DPP6: variants seen among roughly 807,000 people sequenced by gnomAD.
The protein encoded by DPP6 is dipeptidyl peptidase like 6.
Under a neutral mutation model 122.6 loss-of-function variants are expected in DPP6, and 69 were observed. The ratio of observed to expected loss-of-function variants is 0.56; its 90% CI spans 0.46 to 0.69. The LOEUF (loss-of-function observed/expected upper bound fraction) is 0.69, where lower values mean the gene tolerates loss of function less well. Among genes scored for constraint, DPP6 ranks in the 30% least tolerant of loss-of-function variants. The probability of loss-of-function intolerance (pLI) is 0.00; values close to 1 mark genes in which losing one functional copy is unlikely to be tolerated. For missense variants in DPP6, 928 were observed against 1,116.9 expected, an observed-to-expected ratio of 0.83 and a Z score of 2.41; for synonymous variants, 418 against 433.1, an observed-to-expected ratio of 0.97 and a Z score of 0.43.
chr7:154,004,380 C>G (rs924880356), intron 1 of DPP6, among the ~76,000 whole-genome samples: 4 of 152,066 alleles, frequency 2.6e-5, no homozygotes, highest in African/African-American at 9.7e-5. Context: ...CCAAGAACCT[C>G]GTAAACTCCA....
chr7:154,508,281 T>C (rs1825810669), intron 3 of DPP6, among the ~76,000 whole-genome samples: 1 of 152,158 alleles, frequency 6.6e-6, no homozygotes, highest in African/African-American at 2.4e-5. Context: ...TACACTAATT[T>C]GGATAGTTTT....
intron 1 of DPP6, among the ~76,000 whole-genome samples, chr7:153,996,345 C>G (rs1459355609): frequency 1.3e-5 from 2 of 152,102 alleles, no homozygotes; most frequent in Non-Finnish European, 2.9e-5. Flanking sequence ...ATTAGGCAAC[C>G]AGTTCCTCCT....
At chr7:153,994,168 A>T (rs1208997605) in intron 1 of DPP6, among the ~76,000 whole-genome samples, 3 of 151,356 alleles carry the variant, frequency 2.0e-5, no homozygotes, top group Non-Finnish European at 3.0e-5. Flanking sequence ...TGTGTATTTC[A>T]CCATACCATC....
intron 5 of DPP6, among the ~76,000 whole-genome samples, chr7:154,599,916 C>T (rs1025353573): frequency 6.6e-6 from 1 of 152,092 alleles, no homozygotes; most frequent in Non-Finnish European, 1.5e-5. Flanking sequence ...CCAAAATGTT[C>T]TCTTCAGTCC....
At chr7:154,053,866 C>G (rs867450191) in intron 1 of DPP6, among the ~76,000 whole-genome samples, 3 of 146,820 alleles carry the variant, frequency 2.0e-5, no homozygotes, top group Middle Eastern at 3.4e-3. Flanking sequence ...CCCTAGTAAC[C>G]AATGACTCAT....
At chr7:153,956,877 T>C (rs1363995864) in intron 1 of DPP6, among the ~76,000 whole-genome samples, 9 of 152,164 alleles carry the variant, frequency 5.9e-5, no homozygotes, top group Admixed American at 5.2e-4. Flanking sequence ...GGTCATTATC[T>C]GGAATCGGTT....
At chr7:153,785,173 A>G in the DPP6 span, among the ~76,000 whole-genome samples, 144 of 152,134 alleles carry the variant, frequency 9.5e-4, 2 homozygotes, top group Non-Finnish European at 3.2e-4. Flanking sequence ...ACACTTAGTA[A>G]CGAGGAAAGA....
intron 4 of DPP6, among the ~76,000 whole-genome samples, chr7:154,544,425 G>A (rs1238613116): frequency 6.6e-6 from 1 of 152,102 alleles, no homozygotes; most frequent in Non-Finnish European, 1.5e-5. Flanking sequence ...CACTGGAGCA[G>A]GTTCTGTTTG....
chr7:154,361,175 A>T (rs1811693305), intron 1 of DPP6, among the ~76,000 whole-genome samples: 1 of 152,236 alleles, frequency 6.6e-6, no homozygotes, highest in Non-Finnish European at 1.5e-5. Context: ...GTGGCCTATG[A>T]GAAGATCTGA....
chr7:153,811,098 G>A, the DPP6 span, among the ~76,000 whole-genome samples: 8 of 151,870 alleles, frequency 5.3e-5, 1 homozygote, highest in South Asian at 1.3e-3. Context: ...CCAGAATGAC[G>A]GATGAGTCAG....
At chr7:154,576,939 T>A (rs1831720545) in intron 5 of DPP6, among the ~76,000 whole-genome samples, 1 of 152,016 alleles carries the variant, frequency 6.6e-6, no homozygotes, top group East Asian at 1.9e-4. Context: ...TGTTGATGGA[T>A]TAGCAGTGTT....
At chr7:154,291,943 C>T (rs931135918) in intron 1 of DPP6, among the ~76,000 whole-genome samples, 2 of 152,122 alleles carry the variant, frequency 1.3e-5, no homozygotes, top group African/African-American at 2.4e-5. Context: ...TTCAGAGGTA[C>T]AGCAGGAATC....
chr7:153,871,885 C>T, the DPP6 span, among the ~76,000 whole-genome samples: 15 of 152,304 alleles, frequency 9.8e-5, no homozygotes, highest in South Asian at 2.1e-4. Flanking sequence ...TGTACCTTTT[C>T]GTCACTGTGA....
In DPP6 at chr7:154,492,963, C is replaced by T. The variant is rs138843092; in HGVS notation, c.457+17926C>T. 5.0e-3 allele frequency among the ~76,000 whole-genome samples: 763 copies of T among 152,306 alleles called. 5 individuals are homozygous for T. The highest frequency in any genetic ancestry group is 0.01 in the Middle Eastern group (3 of 294). ...TAGAAAAACAGTCAGTAAAAATCCA[C>T]GAAGCTCCCGCATCCCTCTTCTTAA... On this transcript the variant is annotated intron_variant, in intron 3 of 25. Coordinates refer to ENST00000377770, the MANE Select transcript of DPP6 (RefSeq NM_130797.4).
At position 154,695,533 on chromosome 7, in the gene DPP6, A is replaced by G. The variant is rs151263565; in HGVS notation, c.762+26092A>G. 2.1e-3 allele frequency among the ~76,000 whole-genome samples: 322 copies of G among 152,332 alleles called. 1 individual carries two copies. The East Asian group carries it at 0.023, about 11-fold the overall frequency. ...TTGTATGAAATGATTGCTATAGTTC[A>G]GAGAGGTGAAGTAATCCTCTAAATC... On this transcript the variant is annotated intron_variant, in intron 7 of 25. Transcript: ENST00000377770.
the DPP6 span, among the ~76,000 whole-genome samples, chr7:153,820,436 G>A: frequency 5.3e-5 from 8 of 152,162 alleles, no homozygotes; most frequent in African/African-American, 7.2e-5. Flanking sequence ...CAGTTATTTA[G>A]CAGAGGCCTT....
At chr7:154,883,363 C>T (rs1414632681) in intron 21 of DPP6, among the ~76,000 whole-genome samples, 3 of 142,936 alleles carry the variant, frequency 2.1e-5, no homozygotes, top group Non-Finnish European at 4.8e-5. Flanking sequence ...CACACATGCT[C>T]ACACACACGA....
Position 154,889,265 on chromosome 7 carries a change from T to C in DPP6, c.2305-7T>C, listed in dbSNP as rs776365173. On this transcript the variant is annotated splice_region_variant and splice_polypyrimidine_tract_variant and intron_variant, in intron 23 of 25. Transcript: ENST00000377770. ...CTAACTCTGTCCCCTTGCCCCCGCATGTGCAGATGACCAAGGTAGCCCATC... is the reference window on the plus strand; with the variant it reads ...CTAACTCTGTCCCCTTGCCCCCGCACGTGCAGATGACCAAGGTAGCCCATC... The C allele has an allele frequency of 3.1e-6, 5 of 1,612,320 alleles. No individual in the cohort carries two copies. Among genetic ancestry groups the C allele is most frequent in the Non-Finnish European group, 3.4e-6 (4 of 1,179,408 alleles).
intron 6 of DPP6, among the ~76,000 whole-genome samples, chr7:154,638,810 TCTTCCCTCCTC>T (rs1311232713): frequency 1.3e-5 from 2 of 152,218 alleles, no homozygotes; most frequent in Non-Finnish European, 1.5e-5. Context: ...CTTCGTCTCC[TCTTCCCTCCTC>T]CTTCCCTCCC....
Sources: gnomAD v4.1 joint callset for allele counts (sites outside exome capture counted in the v4.1 genomes callset) on GRCh38, gnomAD v4.1.1 for gene constraint, MANE v1.5 for transcripts, NCBI Gene and HGNC (gene_info 2026-07-23, HGNC 2026-07-21) for gene names.